The following HSPG2 variants were observed in gnomAD, a reference collection of about 807,000 sequenced individuals.
HSPG2 encodes heparan sulfate proteoglycan 2, also known as basement membrane-specific heparan sulfate proteoglycan core protein.
HSPG2 carries 278 observed loss-of-function variants against 526.6 expected under a neutral mutation model. The observed-to-expected ratio is 0.53, with a 90% CI of 0.48 to 0.58. The LOEUF (loss-of-function observed/expected upper bound fraction) is 0.58, where lower values mean the gene tolerates loss of function less well. HSPG2 is among the 20% of genes least tolerant of loss of function. The probability of loss-of-function intolerance (pLI) is 0.00; values close to 1 mark genes in which losing one functional copy is unlikely to be tolerated. For missense variants in HSPG2, 5,354 were observed against 6,099.5 expected (o/e 0.88, Z 4.07); for synonymous variants, 2,465 against 2,555.4 (o/e 0.96, Z 1.07).
At chr1:21,860,338 T>G in intron 39 of HSPG2, 103 bp from the exon 40 acceptor site, 1 of 1,081,558 alleles carries the variant, frequency 9.2e-7, no homozygotes, top group Non-Finnish European at 1.4e-6. Flanking sequence ...CAATGTCAGG[T>G]GAGGAGGCTC....
intron 74 of HSPG2, among the ~76,000 whole-genome samples, chr1:21,838,135 C>CAA (rs35291473): frequency 0.019 from 1,421 of 74,244 alleles, 60 homozygotes; most frequent in African/African-American, 0.051. Context: ...GATTCTGTCT[C>CAA]AAAAAAAAAA....
chr1:21,888,175 C>G, intron 6 of HSPG2, 109 bp from the exon 7 acceptor site: 1 of 1,480,886 alleles, frequency 6.8e-7, no homozygotes, highest in Non-Finnish European at 9.2e-7. Flanking sequence ...TGTCAGGCAG[C>G]TCGGTTTCTG....
rs192611712 is a variant in HSPG2 at position 21,879,809 on chromosome 1, C to T, written c.2343+298G>A. ...CTGGGATTACAGGCGTACGCCACCA[C>T]GCCTGGCTAATTTTTGTATTTTTAG... On this transcript the variant is annotated intron_variant, in intron 17 of 96. Transcript: ENST00000374695. Among the ~76,000 whole-genome samples the T allele has an allele frequency of 4.3e-4, 65 of 152,316 alleles. 1 individual carries two copies. Among genetic ancestry groups the T allele is most frequent in the Admixed American group, 3.8e-3 (58 of 15,304 alleles).
Position 21,855,401 on chromosome 1 carries a change from A to G in HSPG2, c.5900T>C (p.Val1967Ala). The stretch of plus-strand genomic sequence containing the variant: ...CAGCCTGACGGTGCGGCCTGCGTGG[A>G]CCTGGGTCCTCTCTGGGCTCACTTG... ...RVQVSPERTQVHAGRTVRLYC... is the reference protein window; with the variant it reads ...RVQVSPERTQAHAGRTVRLYC... Residue 1967 changes from valine (V) to alanine (A), a missense_variant, in exon 47 of 97, where the codon GTC (valine) becomes GCC (alanine). Coordinates refer to ENST00000374695, the MANE Select transcript of HSPG2 (RefSeq NM_005529.7). The G allele has an allele frequency of 6.2e-7, 1 of 1,613,064 alleles. No homozygotes were observed. The highest frequency in any genetic ancestry group is 8.5e-7 in the Non-Finnish European group (1 of 1,179,812).
At chr1:21,876,695 G>A (rs373532074) in intron 21 of HSPG2, 43 bp from the exon 22 acceptor site, 57 of 1,613,332 alleles carry the variant, frequency 3.5e-5, no homozygotes, top group Non-Finnish European at 4.7e-5. Context: ...CCATGGGAGA[G>A]GCTGCCTGGA....
At position 21,922,573 on chromosome 1, in the gene HSPG2, G is replaced by A. The variant is rs369043466; in HGVS notation, c.63+14582C>T. 1.1e-3 allele frequency among the ~76,000 whole-genome samples: 173 copies of A among 152,258 alleles called. 4 individuals are homozygous for A. The South Asian group carries it at 0.035, about 30-fold the overall frequency. On this transcript the variant is annotated intron_variant, in intron 1 of 96. Coordinates refer to ENST00000374695, the MANE Select transcript of HSPG2 (RefSeq NM_005529.7). ...CCCACCACTTGAAGTATGAAGTAAA[G>A]GTGGCCCCTGGGGCTTCTAGTACCT...
Position 21,823,689 on chromosome 1 carries a change from G to T in HSPG2, c.12930C>A (p.Asp4310Glu), listed in dbSNP as rs777570455. ...ACCGGCCGCTGACCAGCTCCTCACC[G>T]TCGACTTGGATGGAACCTCTGCGGC... The part of the protein sequence containing the change: ...REGRRGSIQV[D>E]GEELVSGRSP... Residue 4310 changes from aspartate to glutamate, a missense_variant, in exon 96 of 97, where the codon GAC (aspartate) becomes GAA (glutamate). Physicochemically the swap from Asp to Glu is conservative, Grantham distance 45. Coordinates refer to ENST00000374695, the MANE Select transcript of HSPG2 (RefSeq NM_005529.7). The T allele has an allele frequency of 6.2e-7, 1 of 1,613,504 alleles. No individual in the cohort carries two copies. The highest frequency in any genetic ancestry group is 1.3e-5 in the African/African-American group (1 of 74,904).
chr1:21,852,143 G>T lies in HSPG2; in HGVS notation c.6815C>A (p.Ala2272Asp). ...LDLSCVVAGQ[A>D]HAQVTWYKRG... ...CTTGTACCATGTGACCTGGGCGTGG[G>T]CCTGCCCTGCCACCACGCAGCTCAG... The change falls in exon 53 of 97, where the codon GCC becomes GAC. Residue 2272 changes from alanine to aspartate, a missense_variant. Physicochemically the swap from Ala to Asp is moderately radical, Grantham distance 126. Transcript: ENST00000374695. The T allele has an allele frequency of 1.2e-6, 2 of 1,613,848 alleles. No homozygotes were observed. Among genetic ancestry groups the T allele is most frequent in the Non-Finnish European group, 1.7e-6 (2 of 1,180,028 alleles).
chr1:21,887,613 C>T lies in HSPG2; in HGVS notation c.765G>A (p.Pro255=), dbSNP rs1334406616. Residue 255 remains proline, a synonymous_variant, in exon 8 of 97, where the codon CCG becomes CCA. Coordinates refer to ENST00000374695, the MANE Select transcript of HSPG2 (RefSeq NM_005529.7). The surrounding 1 kb of genome is among the most constrained non-coding windows in gnomAD (Gnocchi z 5.0). ...GCATGATGGTTGTCTCTGGCCGGGG[C>T]GGTAAAGATGTCGTCTCCACAAGGA... ...FSLLVETTSL[P]PRPETTIMRQ... 16 of 1,613,848 alleles carry T rather than the reference C, an allele frequency of 9.9e-6. 1 individual carries two copies. The African/African-American group carries it at 1.1e-4, about 11-fold the overall frequency.
At position 21,850,424 on chromosome 1, in the gene HSPG2, G is replaced by T; in HGVS notation, c.7233C>A (p.Gly2411=). The change falls in exon 56 of 97, where the codon GGC becomes GGA. Residue 2411 remains glycine (G), a synonymous_variant. Coordinates refer to ENST00000374695, the MANE Select transcript of HSPG2 (RefSeq NM_005529.7). Reference sequence around the variant, plus strand: ...CAGAGGCCTCTAGAGGCACGGAGCTGCCCAACACTCGGCACACGTACTCGC... The same window carrying T: ...CAGAGGCCTCTAGAGGCACGGAGCTTCCCAACACTCGGCACACGTACTCGC... ...DSGEYVCRVL[G]SSVPLEASVL... is the part of the protein sequence containing the mutation. The T allele has an allele frequency of 6.2e-7, 1 of 1,611,596 alleles. No homozygotes were observed. The highest frequency in any genetic ancestry group is 1.1e-5 in the South Asian group (1 of 90,788).
chr1:21,879,745 C>T (rs1041025972), intron 17 of HSPG2, among the ~76,000 whole-genome samples: 6 of 152,146 alleles, frequency 3.9e-5, no homozygotes, highest in African/African-American at 9.7e-5. Flanking sequence ...CTCCACCTCC[C>T]GGGTTCAAGC....
rs775776299 is a variant in HSPG2, at chr1:21,875,936, ATGT to A, written c.3107_3109del (p.Asn1036del). ...CTGGGCCACATGGTGCTCTAGGATG[ATGT>A]TGTTACCTTGCAGCACCACCAACGG... On this transcript the variant is annotated inframe_deletion, in exon 24 of 97. Transcript: ENST00000374695. 16 of 1,614,160 alleles carry A rather than the reference ATGT, an allele frequency of 9.9e-6. No individual in the cohort carries two copies. In the South Asian group the frequency reaches 1.5e-4, roughly 16 times the overall value.
At position 21,848,924 on chromosome 1, in the gene HSPG2, G is replaced by A. The variant is rs755807172; in HGVS notation, c.7554C>T (p.Val2518=). 2.5e-6 allele frequency: 4 copies of A among 1,613,814 alleles called. No homozygotes were observed. The Admixed American group carries it at 6.7e-5, about 27-fold the overall frequency. Residue 2518 remains valine, a synonymous_variant, in exon 58 of 97, where the codon GTC becomes GTT. Transcript: ENST00000374695. The surrounding 1 kb of genome is among the most constrained non-coding windows in gnomAD (Gnocchi z 4.9). The part of the protein sequence containing the change: ...SSGTQEASVL[V]TIQQRLSGSH... Reference sequence around the variant, plus strand: ...AGCCACTAAGGCGCTGCTGGATGGTGACAAGGACTGAGGCTTCCTGGGTAC... The same window carrying A: ...AGCCACTAAGGCGCTGCTGGATGGTAACAAGGACTGAGGCTTCCTGGGTAC...
chr1:21,922,446 C>T (rs1644066343), intron 1 of HSPG2, among the ~76,000 whole-genome samples: 1 of 152,210 alleles, frequency 6.6e-6, no homozygotes, highest in African/African-American at 2.4e-5. Context: ...CAGGGTCCTC[C>T]TGGTCTTTCT....
At chr1:21,881,742 T>C (rs1641524678) in intron 13 of HSPG2, among the ~76,000 whole-genome samples, 1 of 151,908 alleles carries the variant, frequency 6.6e-6, no homozygotes, top group Non-Finnish European at 1.5e-5. Flanking sequence ...CAGGAGTTCA[T>C]GACCAGCCTT....
rs753641467 is a variant in HSPG2 at position 21,839,852 on chromosome 1, G to A, written c.9679C>T (p.His3227Tyr). 5 of 1,613,836 alleles carry A rather than the reference G, an allele frequency of 3.1e-6. No individual in the cohort carries two copies. The highest frequency in any genetic ancestry group is 3.3e-5 in the Admixed American group (2 of 59,984). ...GCTGAGCAGCGCAAGGTGGCCGTGT[G>A]TCCAGCCTCCACAGTCAGCTCAGCT... The part of the protein sequence containing the change: ...EEAELTVEAG[H>Y]TATLRCSATG... Residue 3227 changes from histidine (H) to tyrosine (Y), a missense_variant, in exon 72 of 97, where the codon CAC becomes TAC. By Grantham distance (83) the His-to-Tyr change is moderately conservative. Transcript: ENST00000374695. This position sits in a 1 kb window ranked among gnomAD's most constrained non-coding sequence, Gnocchi z 4.5.
rs1484187635 is a variant in HSPG2 at position 21,845,246 on chromosome 1, A to C, written c.8464+862T>G. Among the ~76,000 whole-genome samples the C allele has an allele frequency of 2.6e-5, 4 of 152,266 alleles. No individual in the cohort carries two copies. The East Asian group carries it at 7.7e-4, about 29-fold the overall frequency. On this transcript the variant is annotated intron_variant, in intron 64 of 96. Coordinates refer to ENST00000374695, the MANE Select transcript of HSPG2 (RefSeq NM_005529.7). Reference sequence around the variant, plus strand: ...GGGCGACAGAGCAAGACTCCGTCTCAAAACAAAACAAAACAAAAAAAACCT... The same window carrying C: ...GGGCGACAGAGCAAGACTCCGTCTCCAAACAAAACAAAACAAAAAAAACCT...
intron 95 of HSPG2, 51 bp from the exon 96 acceptor site, chr1:21,823,770 C>T (rs757490877): frequency 9.1e-6 from 13 of 1,421,334 alleles, no homozygotes; most frequent in South Asian, 2.3e-5. Flanking sequence ...TGGTCCTCCC[C>T]GGCCCCACGA....
chr1:21,885,500 C>T (rs1641826619), intron 9 of HSPG2, 49 bp from the exon 10 acceptor site: 1 of 1,609,078 alleles, frequency 6.2e-7, no homozygotes, highest in Admixed American at 1.7e-5. Flanking sequence ...GTCCATCCTC[C>T]CTGGGCATCC....
Sources: allele counts gnomAD v4.1 joint callset (sites outside exome capture counted in the v4.1 genomes callset), GRCh38; gene constraint gnomAD v4.1.1; non-coding constraint Gnocchi (gnomAD v3.1); transcripts MANE v1.5; gene names NCBI Gene and HGNC (gene_info 2026-07-23, HGNC 2026-07-21).